KCTD16: variants seen among roughly 807,000 people sequenced by gnomAD.
KCTD16 encodes potassium channel tetramerization domain containing 16.
A neutral mutation model predicts 33.2 loss-of-function variants in KCTD16; 13 were observed. The ratio of observed to expected loss-of-function variants is 0.39; its 90% CI spans 0.25 to 0.62. The LOEUF (loss-of-function observed/expected upper bound fraction) is 0.62. KCTD16 is among the 20% of genes least tolerant of loss of function. The probability of loss-of-function intolerance (pLI) is 0.50; values close to 1 mark genes in which losing one functional copy is unlikely to be tolerated. For missense variants in KCTD16, 441 were observed against 525.1 expected (o/e 0.84, Z 1.57); for synonymous variants, 197 against 195.3 (o/e 1.01, Z -0.07).
chr5:144,398,913 C>T (rs1752640130), intron 3 of KCTD16, among the ~76,000 whole-genome samples: 1 of 151,960 alleles, frequency 6.6e-6, no homozygotes, highest in Non-Finnish European at 1.5e-5. Context: ...TCTTATATAC[C>T]ATGACTTTTA....
chr5:144,461,697 C>G (rs1265468554), intron 3 of KCTD16, among the ~76,000 whole-genome samples: 1 of 152,190 alleles, frequency 6.6e-6, no homozygotes, highest in Non-Finnish European at 1.5e-5. Context: ...AGACAAGACT[C>G]CATGTGATCT....
chr5:144,340,570 G>A (rs919605867), intron 3 of KCTD16, among the ~76,000 whole-genome samples: 18 of 152,020 alleles, frequency 1.2e-4, no homozygotes, highest in African/African-American at 4.1e-4. Flanking sequence ...TTCATATGTT[G>A]AAGTCTTAAC....
chr5:144,179,861 G>A (rs1169762598), intron 2 of KCTD16, among the ~76,000 whole-genome samples: 1 of 152,206 alleles, frequency 6.6e-6, no homozygotes, highest in African/African-American at 2.4e-5. Context: ...AAGATTTATT[G>A]AGAACCTACC....
At chr5:144,387,866 T>C (rs1580923053) in intron 3 of KCTD16, among the ~76,000 whole-genome samples, 1 of 152,172 alleles carries the variant, frequency 6.6e-6, no homozygotes. Flanking sequence ...TAGAGCCCCT[T>C]CCCCCTTTTT....
intron 3 of KCTD16, among the ~76,000 whole-genome samples, chr5:144,430,756 CT>C (rs1753439842): frequency 6.6e-6 from 1 of 152,102 alleles, no homozygotes; most frequent in Admixed American, 6.6e-5. Flanking sequence ...TTTGATCCCC[CT>C]GGGAAAGAGT....
intron 2 of KCTD16, among the ~76,000 whole-genome samples, chr5:144,199,183 C>T (rs1251309982): frequency 2.0e-5 from 3 of 152,122 alleles, no homozygotes; most frequent in African/African-American, 7.2e-5. Flanking sequence ...TTTCATTCCA[C>T]TTGTATCTGT....
At chr5:144,296,043 T>C (rs147943290) in intron 3 of KCTD16, among the ~76,000 whole-genome samples, 93 of 152,348 alleles carry the variant, frequency 6.1e-4, no homozygotes, top group African/African-American at 2.2e-3. Flanking sequence ...AATTTGTCAA[T>C]GTAGCAATAG....
intron 3 of KCTD16, among the ~76,000 whole-genome samples, chr5:144,372,436 T>C (rs1430579488): frequency 6.6e-6 from 1 of 152,206 alleles, no homozygotes; most frequent in Non-Finnish European, 1.5e-5. Context: ...AAGATAGTGT[T>C]TTCTTTAGAG....
intron 3 of KCTD16, among the ~76,000 whole-genome samples, chr5:144,385,599 A>G (rs61711495): frequency 4.9e-4 from 75 of 152,256 alleles, no homozygotes; most frequent in African/African-American, 1.8e-3. Context: ...CCTTCTCACA[A>G]TAGAAAATAT....
rs570400884 is a variant in KCTD16 at position 144,274,018 on chromosome 5, A to G, written c.832+66472A>G. Among the ~76,000 whole-genome samples the G allele has an allele frequency of 2.9e-3, 438 of 150,188 alleles. 2 individuals carry two copies. Among genetic ancestry groups the G allele is most frequent in the Admixed American group, 6.2e-3 (93 of 15,036 alleles). On this transcript the variant is annotated intron_variant, in intron 3 of 3. Coordinates refer to ENST00000512467, the MANE Select transcript of KCTD16 (RefSeq NM_020768.4). ...TTATGTTATGTGTATTAAAATATAC[A>G]TAACATATTATATTAAAATATAATA...
At chr5:144,417,052 T>A (rs530510441) in intron 3 of KCTD16, among the ~76,000 whole-genome samples, 1 of 152,332 alleles carries the variant, frequency 6.6e-6, no homozygotes, top group African/African-American at 2.4e-5. Context: ...CTTCTACTTT[T>A]TGGTTTTTGT....
chr5:144,316,063 C>T (rs553062827), intron 3 of KCTD16, among the ~76,000 whole-genome samples: 2 of 151,460 alleles, frequency 1.3e-5, no homozygotes, highest in Non-Finnish European at 2.9e-5. Context: ...GTAGGAACAA[C>T]TCTTTTTGTT....
chr5:144,270,340 A>G (rs1422429141), intron 3 of KCTD16, among the ~76,000 whole-genome samples: 1 of 151,968 alleles, frequency 6.6e-6, no homozygotes, highest in Non-Finnish European at 1.5e-5. Flanking sequence ...TATACAAAGT[A>G]TCTTCTCTGA....
At chr5:144,280,978 C>G (rs555742420) in intron 3 of KCTD16, among the ~76,000 whole-genome samples, 1 of 148,256 alleles carries the variant, frequency 6.7e-6, no homozygotes, top group East Asian at 2.0e-4. Flanking sequence ...TGGCGTGAAC[C>G]CGACAGGCGG....
chr5:144,234,788 T>C (rs1213787302), intron 3 of KCTD16, among the ~76,000 whole-genome samples: 1 of 152,066 alleles, frequency 6.6e-6, no homozygotes, highest in Admixed American at 6.6e-5. Flanking sequence ...TATTATGTTA[T>C]AGGTTATACA....
At chr5:144,352,828 G>A (rs144758514) in intron 3 of KCTD16, among the ~76,000 whole-genome samples, 2 of 152,296 alleles carry the variant, frequency 1.3e-5, no homozygotes, top group Non-Finnish European at 2.9e-5. Flanking sequence ...AATGGGTTTT[G>A]AGACTCATTT....
chr5:144,398,548 G>A lies in KCTD16; in HGVS notation c.833-75112G>A, dbSNP rs1389560973. ...TCCCCATTAAGTCCCTCCAGCATGA[G>A]CTCTAGAAATATTAGTTATCTTATA... is the stretch of plus-strand genomic sequence containing the variant. On this transcript the variant is annotated intron_variant, in intron 3 of 3. Transcript: ENST00000512467. Among the ~76,000 whole-genome samples, 4 of 152,242 alleles carry A rather than the reference G, an allele frequency of 2.6e-5. No individual in the cohort carries two copies. In the East Asian group the frequency reaches 7.7e-4, roughly 29 times the overall value.
intron 3 of KCTD16, among the ~76,000 whole-genome samples, chr5:144,213,727 T>A (rs1020042480): frequency 6.6e-6 from 1 of 152,184 alleles, no homozygotes; most frequent in Non-Finnish European, 1.5e-5. Context: ...GGGCATGTTT[T>A]TATTGTTAGC....
intron 3 of KCTD16, among the ~76,000 whole-genome samples, chr5:144,378,876 A>G (rs1295822054): frequency 6.6e-6 from 1 of 152,124 alleles, no homozygotes; most frequent in African/African-American, 2.4e-5. Context: ...GTATTAAATG[A>G]CTTTTTACAA....
Sources: allele counts gnomAD v4.1 joint callset (sites outside exome capture counted in the v4.1 genomes callset), GRCh38; gene constraint gnomAD v4.1.1; transcripts MANE v1.5; gene names NCBI Gene and HGNC (gene_info 2026-07-23, HGNC 2026-07-21).